The following PDE7B variants were observed in gnomAD, a reference collection of about 807,000 sequenced individuals.
PDE7B encodes phosphodiesterase 7B.
PDE7B carries 29 observed loss-of-function variants against 56.2 expected under a neutral mutation model. That is an observed-to-expected ratio of 0.52 (90% confidence interval 0.38 to 0.70). The LOEUF (loss-of-function observed/expected upper bound fraction) is 0.70, where lower values mean the gene tolerates loss of function less well. PDE7B is among the 30% of genes least tolerant of loss of function. PDE7B has a pLI of 0.00. For synonymous variants in PDE7B, 197 were observed against 196.9 expected (o/e 1.00, Z 0.00); for missense variants, 490 against 565.0 (o/e 0.87, Z 1.35).
At chr6:136,144,732 A>G (rs1031219531) in intron 3 of PDE7B, among the ~76,000 whole-genome samples, 2 of 152,148 alleles carry the variant, frequency 1.3e-5, no homozygotes, top group Non-Finnish European at 2.9e-5. Flanking sequence ...ACATTTTTTA[A>G]GAGAGCACAG....
In PDE7B at chr6:136,128,455, T is replaced by C. The variant is rs570921997; in HGVS notation, c.167-18896T>C. On this transcript the variant is annotated intron_variant, in intron 3 of 12. Transcript: ENST00000308191. ...GTTCTTCTACTTGTTACACGTGTTT[T>C]ACTGAGTGTCTTAATCTTTTGGTAC... 1.1e-4 allele frequency among the ~76,000 whole-genome samples: 16 copies of C among 152,282 alleles called. No homozygotes were observed. In the South Asian group the frequency reaches 3.3e-3, roughly 32 times the overall value.
chr6:135,964,907 T>A (rs1774968289), intron 2 of PDE7B, among the ~76,000 whole-genome samples: 1 of 152,184 alleles, frequency 6.6e-6, no homozygotes, highest in Admixed American at 6.5e-5. Context: ...TTTGGGAGCC[T>A]GAGGTGGGTG....
intron 2 of PDE7B, among the ~76,000 whole-genome samples, chr6:136,093,611 T>C (rs1156721233): frequency 1.3e-5 from 2 of 152,168 alleles, no homozygotes; most frequent in Admixed American, 6.5e-5. Context: ...CTTAGTTCCC[T>C]TTTCCAGAGA....
At chr6:135,909,881 G>A (rs1354320517) in intron 1 of PDE7B, among the ~76,000 whole-genome samples, 1 of 152,076 alleles carries the variant, frequency 6.6e-6, no homozygotes, top group South Asian at 2.1e-4. Flanking sequence ...CTCGGCAAAC[G>A]CAGGTGTGAT....
At chr6:136,170,967 A>G (rs1778869557) in intron 8 of PDE7B, among the ~76,000 whole-genome samples, 1 of 152,146 alleles carries the variant, frequency 6.6e-6, no homozygotes, top group Admixed American at 6.6e-5. Flanking sequence ...GGGACATTCA[A>G]ACCATAGCAA....
rs141293587 is a variant in PDE7B, at chr6:135,938,968, G to A, written c.22-8496G>A. Among the ~76,000 whole-genome samples, 89 of 152,270 alleles carry A rather than the reference G, an allele frequency of 5.8e-4. 1 individual carries two copies. The highest frequency in any genetic ancestry group is 2.1e-3 in the African/African-American group (86 of 41,548). On this transcript the variant is annotated intron_variant, in intron 1 of 12. Coordinates refer to ENST00000308191, the MANE Select transcript of PDE7B (RefSeq NM_018945.4). ...TAGTTTTTAAACATTTAAAAATAGG[G>A]GTATGTAATAAAATGCTGAGAGACT...
intron 2 of PDE7B, among the ~76,000 whole-genome samples, chr6:135,977,199 T>C (rs1775200598): frequency 6.6e-6 from 1 of 151,992 alleles, no homozygotes; most frequent in Non-Finnish European, 1.5e-5. Context: ...TGGCCAACCA[T>C]AGGAGTAGAT....
intron 1 of PDE7B, among the ~76,000 whole-genome samples, chr6:135,869,624 A>G (rs890767348): frequency 6.6e-6 from 1 of 152,206 alleles, no homozygotes; most frequent in Non-Finnish European, 1.5e-5. Context: ...AGTAGTTGTG[A>G]CAGTTAATTT....
At chr6:135,991,232 GA>G (rs1775474144) in intron 2 of PDE7B, among the ~76,000 whole-genome samples, 1 of 152,106 alleles carries the variant, frequency 6.6e-6, no homozygotes, top group South Asian at 2.1e-4. Flanking sequence ...CTGTAACTAA[GA>G]ATGCCTAACC....
At chr6:136,186,611 G>A (rs1402025695) in intron 11 of PDE7B, among the ~76,000 whole-genome samples, 1 of 152,158 alleles carries the variant, frequency 6.6e-6, no homozygotes, top group East Asian at 1.9e-4. Flanking sequence ...TACTGTTCCT[G>A]GTTGTCCTCA....
intron 1 of PDE7B, among the ~76,000 whole-genome samples, chr6:135,852,669 T>A (rs1416053992): frequency 6.6e-6 from 1 of 152,194 alleles, no homozygotes; most frequent in African/African-American, 2.4e-5. Context: ...AGTACTAAGT[T>A]ACATGACCAG....
chr6:135,962,050 TGG>T (rs1382826737), intron 2 of PDE7B, among the ~76,000 whole-genome samples: 1 of 152,068 alleles, frequency 6.6e-6, no homozygotes, highest in Non-Finnish European at 1.5e-5. Context: ...ACCACTCTGA[TGG>T]GGGAGGTTGA....
At chr6:135,894,914 G>A (rs1775870972) in intron 1 of PDE7B, among the ~76,000 whole-genome samples, 2 of 152,078 alleles carry the variant, frequency 1.3e-5, no homozygotes, top group South Asian at 4.2e-4. Context: ...TTTCTTTAAG[G>A]AAATTTTTCT....
At chr6:136,001,958 G>A (rs1440109708) in intron 2 of PDE7B, among the ~76,000 whole-genome samples, 7 of 152,104 alleles carry the variant, frequency 4.6e-5, no homozygotes, top group Non-Finnish European at 7.4e-5. Context: ...GAGAAAGGTC[G>A]GGTTACCCAC....
Position 135,935,218 on chromosome 6 carries a change from T to TATATATATA in PDE7B, c.22-12246_22-12245insATATATATA, listed in dbSNP as rs1457746105. The stretch of plus-strand genomic sequence containing the variant: ...TATATATATATATATATATATATAT[T>TATATATATA]TTCATGATTCTTGCTCTCCAGGAAA... On this transcript the variant is annotated intron_variant, in intron 1 of 12. Coordinates refer to ENST00000308191, the MANE Select transcript of PDE7B (RefSeq NM_018945.4). 6.2e-3 allele frequency among the ~76,000 whole-genome samples: 217 copies of TATATATATA among 34,724 alleles called. 31 individuals carry two copies. Among genetic ancestry groups the TATATATATA allele is most frequent in the Non-Finnish European group, 7.5e-3 (149 of 19,896 alleles). The allele number at this position is 34,724 out of a possible 152,430, so 22.8% of individuals were successfully genotyped here. A position where few individuals can be genotyped will look rare whatever the true frequency, so the allele number is the denominator to read the frequency against.
intron 1 of PDE7B, among the ~76,000 whole-genome samples, chr6:135,937,372 TC>T (rs1188797179): frequency 2.0e-5 from 3 of 152,142 alleles, no homozygotes; most frequent in African/African-American, 7.2e-5. Context: ...CCTGCCAACT[TC>T]CCCAGCCTTG....
rs1410645253 is a variant in PDE7B at position 136,193,390 on chromosome 6, T to C, written c.*1550T>C. The C allele has an allele frequency of 6.6e-6, 1 of 152,382 alleles. No homozygotes were observed. The highest frequency in any genetic ancestry group is 1.5e-5 in the Non-Finnish European group (1 of 68,034). The allele number at this position is 152,382 out of a possible 1,614,324, so 9.4% of individuals were successfully genotyped here. A position where few individuals can be genotyped will look rare whatever the true frequency, so the allele number is the denominator to read the frequency against. On this transcript the variant is annotated 3_prime_UTR_variant, in exon 13 of 13. Coordinates refer to ENST00000308191, the MANE Select transcript of PDE7B (RefSeq NM_018945.4). ...TATTTAAGTAAAGAAAATATTTCAG[T>C]TTTATAACAGACTTTACCTTCCTGG... is the stretch of plus-strand genomic sequence containing the variant.
chr6:136,022,301 A>C (rs1445383603), intron 2 of PDE7B, among the ~76,000 whole-genome samples: 1 of 152,174 alleles, frequency 6.6e-6, no homozygotes, highest in Non-Finnish European at 1.5e-5. Context: ...AATTCTCACT[A>C]ATATGTGAAG....
At chr6:136,115,531 A>G (rs1481990597) in intron 3 of PDE7B, among the ~76,000 whole-genome samples, 3 of 152,328 alleles carry the variant, frequency 2.0e-5, no homozygotes, top group South Asian at 4.1e-4. Flanking sequence ...ATTATACAAC[A>G]TATGTCTGAG....
Sources: gnomAD v4.1 joint callset for allele counts (sites outside exome capture counted in the v4.1 genomes callset) on GRCh38, gnomAD v4.1.1 for gene constraint, MANE v1.5 for transcripts, NCBI Gene and HGNC (gene_info 2026-07-23, HGNC 2026-07-21) for gene names.